The following TSPAN12 variants were observed in gnomAD, a reference collection of about 807,000 sequenced individuals.
The protein encoded by TSPAN12 is tetraspanin 12, also known as tetraspanin-12.
In TSPAN12, 19 loss-of-function variants were observed where a neutral mutation model predicts 39.2. The ratio of observed to expected loss-of-function variants is 0.49; its 90% CI spans 0.34 to 0.71. The LOEUF (loss-of-function observed/expected upper bound fraction) is 0.71. Among genes scored for constraint, TSPAN12 ranks in the 30% least tolerant of loss-of-function variants. The pLI, the probability that TSPAN12 is intolerant of heterozygous loss-of-function variation, is 0.01. For synonymous variants in TSPAN12, 119 were observed against 124.8 expected, an observed-to-expected ratio of 0.95 and a Z score of 0.31; for missense variants, 314 against 359.9, an observed-to-expected ratio of 0.87 and a Z score of 1.03.
chr7:120,842,229 A>G (rs775018875), intron 2 of TSPAN12, among the ~76,000 whole-genome samples: 2 of 148,086 alleles, frequency 1.4e-5, no homozygotes, highest in African/African-American at 2.5e-5. Context: ...AGAGCTCTAC[A>G]GCTTTGAACA....
chr7:120,818,542 G>C (rs1349862003), intron 4 of TSPAN12, among the ~76,000 whole-genome samples: 1 of 151,702 alleles, frequency 6.6e-6, no homozygotes, highest in Non-Finnish European at 1.5e-5. Context: ...ATAGAAAATG[G>C]GGCTGATTTT....
intron 4 of TSPAN12, among the ~76,000 whole-genome samples, chr7:120,816,161 G>T (rs1365127252): frequency 6.6e-6 from 1 of 152,126 alleles, no homozygotes; most frequent in Non-Finnish European, 1.5e-5. Flanking sequence ...AAGTCAACAA[G>T]TTCAATGCTC....
chr7:120,793,887 T>G (rs921646160), intron 7 of TSPAN12, among the ~76,000 whole-genome samples: 1 of 152,232 alleles, frequency 6.6e-6, no homozygotes, highest in African/African-American at 2.4e-5. Flanking sequence ...GATAAAGTAG[T>G]AGATATAAAA....
chr7:120,831,464 T>TA (rs765156007), intron 4 of TSPAN12, among the ~76,000 whole-genome samples: 3 of 151,882 alleles, frequency 2.0e-5, no homozygotes, highest in African/African-American at 7.2e-5. Context: ...TATACAGCCC[T>TA]AAAAAAACAA....
At chr7:120,836,552 C>A (rs776545749) in intron 4 of TSPAN12, among the ~76,000 whole-genome samples, 55 of 152,190 alleles carry the variant, frequency 3.6e-4, no homozygotes, top group Admixed American at 6.5e-4. Flanking sequence ...CTGAACCCTT[C>A]GGGCTGAGCT....
chr7:120,823,720 C>T (rs1288137856), intron 4 of TSPAN12, among the ~76,000 whole-genome samples: 1 of 152,072 alleles, frequency 6.6e-6, no homozygotes, highest in Non-Finnish European at 1.5e-5. Context: ...AAGTAAATTC[C>T]AAAGGAATCT....
At chr7:120,830,983 C>T (rs1205684938) in intron 4 of TSPAN12, among the ~76,000 whole-genome samples, 3 of 151,790 alleles carry the variant, frequency 2.0e-5, no homozygotes, top group African/African-American at 2.4e-5. Flanking sequence ...AAGCAAAGGA[C>T]CTGAACAGAC....
chr7:120,812,289 G>A (rs1469385548), intron 5 of TSPAN12, among the ~76,000 whole-genome samples: 1 of 152,130 alleles, frequency 6.6e-6, no homozygotes, highest in Non-Finnish European at 1.5e-5. Flanking sequence ...ATGAGAAATT[G>A]AGGTATACAA....
At chr7:120,834,413 G>A (rs531351885) in intron 4 of TSPAN12, among the ~76,000 whole-genome samples, 1 of 152,116 alleles carries the variant, frequency 6.6e-6, no homozygotes, top group African/African-American at 2.4e-5. Flanking sequence ...TTTCCAATAG[G>A]TGGCCTCTTA....
At chr7:120,825,631 G>A (rs1163257746) in intron 4 of TSPAN12, among the ~76,000 whole-genome samples, 1 of 152,102 alleles carries the variant, frequency 6.6e-6, no homozygotes, top group Admixed American at 6.6e-5. Flanking sequence ...CTTTATGGCA[G>A]TTGTTTATTT....
At chr7:120,814,131 G>C (rs1794034998) in intron 5 of TSPAN12, 2 of 451,582 alleles carry the variant, frequency 4.4e-6, no homozygotes. Flanking sequence ...TTACTACTTA[G>C]TATTCAAAAC....
chr7:120,837,529 G>A (rs1469979827), intron 4 of TSPAN12, among the ~76,000 whole-genome samples: 1 of 152,038 alleles, frequency 6.6e-6, no homozygotes, highest in Non-Finnish European at 1.5e-5. Flanking sequence ...AGCCAGGATG[G>A]TCTTGATTTC....
intron 4 of TSPAN12, among the ~76,000 whole-genome samples, chr7:120,828,939 T>A (rs1274858374): frequency 6.6e-6 from 1 of 152,180 alleles, no homozygotes; most frequent in East Asian, 1.9e-4. Flanking sequence ...TTTCATTAAA[T>A]CTTTAGAATT....
chr7:120,799,758 T>C (rs1262828814), intron 7 of TSPAN12, among the ~76,000 whole-genome samples: 3 of 133,738 alleles, frequency 2.2e-5, no homozygotes, highest in African/African-American at 8.4e-5. Flanking sequence ...TAATTTAATT[T>C]ATACATATAA....
chr7:120,807,177 G>A (rs1396371800), intron 6 of TSPAN12, among the ~76,000 whole-genome samples: 3 of 152,140 alleles, frequency 2.0e-5, no homozygotes, highest in South Asian at 2.1e-4. Flanking sequence ...AGCAGACATC[G>A]ATTCCTTAGC....
At chr7:120,800,256 C>T (rs560863966) in intron 7 of TSPAN12, among the ~76,000 whole-genome samples, 2 of 152,184 alleles carry the variant, frequency 1.3e-5, no homozygotes, top group African/African-American at 4.8e-5. Context: ...AACAGCCCAT[C>T]CCACATGGTT....
chr7:120,794,650 T>C (rs1186681146), intron 7 of TSPAN12, among the ~76,000 whole-genome samples: 2 of 152,222 alleles, frequency 1.3e-5, no homozygotes, highest in East Asian at 3.8e-4. Flanking sequence ...CAGTCTCAAG[T>C]ATTTATTTCT....
chr7:120,795,210 T>C (rs781554942), intron 7 of TSPAN12, among the ~76,000 whole-genome samples: 1 of 152,242 alleles, frequency 6.6e-6, no homozygotes, highest in African/African-American at 2.4e-5. Context: ...GAATTAATTT[T>C]ACTTGAAAAT....
intron 7 of TSPAN12, among the ~76,000 whole-genome samples, chr7:120,802,625 A>C (rs921459995): frequency 2.0e-5 from 3 of 152,202 alleles, no homozygotes; most frequent in Non-Finnish European, 4.4e-5. Context: ...GAGCAAATGG[A>C]ACCCAGTAGG....
Sources: allele counts gnomAD v4.1 joint callset (sites outside exome capture counted in the v4.1 genomes callset), GRCh38; gene constraint gnomAD v4.1.1; transcripts MANE v1.5; gene names NCBI Gene and HGNC (gene_info 2026-07-23, HGNC 2026-07-21).